LRRC7: variants seen among roughly 807,000 people sequenced by gnomAD.
LRRC7 encodes leucine rich repeat containing 7, also known as leucine-rich repeat-containing protein 7.
LRRC7 carries 23 observed loss-of-function variants against 175.7 expected under a neutral mutation model. That is an observed-to-expected ratio of 0.13 (90% CI 0.09 to 0.19). LRRC7 has a LOEUF of 0.19. Among genes scored for constraint, LRRC7 ranks in the 10% least tolerant of loss-of-function variants. The pLI, the probability that LRRC7 is intolerant of heterozygous loss-of-function variation, is 1.00. For missense variants in LRRC7, 1,354 were observed against 1,904.7 expected (o/e 0.71, Z 5.38); for synonymous variants, 685 against 680.9 (o/e 1.01, Z -0.09).
chr1:69,675,305 C>T (rs1659615448), intron 1 of LRRC7, among the ~76,000 whole-genome samples: 1 of 152,058 alleles, frequency 6.6e-6, no homozygotes, highest in Admixed American at 6.6e-5. Context: ...AAAGTACTTT[C>T]TAATCTGTTT....
chr1:69,919,730 G>A lies in LRRC7; in HGVS notation c.648-11777G>A, dbSNP rs761106082. On this transcript the variant is annotated intron_variant, in intron 7 of 26. Coordinates refer to ENST00000651989, the MANE Select transcript of LRRC7 (RefSeq NM_001370785.2). Reference sequence around the variant, plus strand: ...GGGAGACCTGGGTGCCTTCAGCAAAGGTCAGATGCAGAAGCCATTTGAAGA... The same window carrying A: ...GGGAGACCTGGGTGCCTTCAGCAAAAGTCAGATGCAGAAGCCATTTGAAGA... 1.2e-5 allele frequency: 12 copies of A among 1,021,160 alleles called. No individual in the cohort carries two copies. The African/African-American group carries it at 1.7e-4, about 15-fold the overall frequency. The allele number at this position is 1,021,160 out of a possible 1,614,324, so 63.3% of individuals were successfully genotyped here.
intron 1 of LRRC7, among the ~76,000 whole-genome samples, chr1:69,594,243 G>A (rs924344272): frequency 1.3e-5 from 2 of 152,036 alleles, no homozygotes; most frequent in East Asian, 1.9e-4. Context: ...TGTGTACGCC[G>A]CTCTTTATCC....
intron 2 of LRRC7, among the ~76,000 whole-genome samples, chr1:69,733,568 G>A (rs1463184251): frequency 2.0e-5 from 3 of 151,830 alleles, no homozygotes; most frequent in East Asian, 3.9e-4. Flanking sequence ...TTTTAGTTCT[G>A]AAGAATGCTA....
chr1:69,805,430 A>G (rs183073340), intron 4 of LRRC7, among the ~76,000 whole-genome samples: 3 of 151,970 alleles, frequency 2.0e-5, no homozygotes, highest in Admixed American at 6.6e-5. Flanking sequence ...AGAAAATGGT[A>G]CCATGCAATT....
intron 18 of LRRC7, among the ~76,000 whole-genome samples, chr1:70,029,623 C>T (rs534995741): frequency 6.6e-6 from 1 of 152,208 alleles, no homozygotes; most frequent in Non-Finnish European, 1.5e-5. Context: ...TCTCAAAGAT[C>T]TCGCTGCAAT....
chr1:69,948,131 G>A (rs955474593), intron 8 of LRRC7, among the ~76,000 whole-genome samples: 1 of 152,070 alleles, frequency 6.6e-6, no homozygotes, highest in Non-Finnish European at 1.5e-5. Flanking sequence ...TCAGAACAGT[G>A]CACAATTTAA....
chr1:69,625,508 A>G (rs990483649), intron 1 of LRRC7, among the ~76,000 whole-genome samples: 15 of 139,470 alleles, frequency 1.1e-4, no homozygotes, highest in African/African-American at 4.0e-4. Flanking sequence ...CCACCTTCCT[A>G]TATTTTTAGA....
At chr1:69,668,863 T>C (rs558415529) in intron 1 of LRRC7, among the ~76,000 whole-genome samples, 89 of 152,336 alleles carry the variant, frequency 5.8e-4, no homozygotes, top group African/African-American at 1.9e-3. Context: ...TGGTATCTCA[T>C]TGGAGTTTTG....
chr1:69,889,832 A>C (rs536574762), intron 7 of LRRC7, among the ~76,000 whole-genome samples: 1 of 148,418 alleles, frequency 6.7e-6, no homozygotes, highest in East Asian at 2.0e-4. Flanking sequence ...ATAGAGAAGA[A>C]GAAGGAGAGG....
intron 2 of LRRC7, among the ~76,000 whole-genome samples, chr1:69,692,844 A>G (rs945763925): frequency 6.6e-6 from 1 of 152,156 alleles, no homozygotes; most frequent in African/African-American, 2.4e-5. Flanking sequence ...TTCAGAAAAA[A>G]AAATAGTATT....
At chr1:70,008,480 T>C (rs1178588601) in intron 11 of LRRC7, among the ~76,000 whole-genome samples, 1 of 152,200 alleles carries the variant, frequency 6.6e-6, no homozygotes, top group Non-Finnish European at 1.5e-5. Flanking sequence ...TGCTTGAATG[T>C]TTTAAATTGT....
At chr1:70,026,451 CA>C (rs552955607) in intron 17 of LRRC7, among the ~76,000 whole-genome samples, 8 of 152,012 alleles carry the variant, frequency 5.3e-5, no homozygotes, top group Non-Finnish European at 1.0e-4. Flanking sequence ...TTTCTAATAC[CA>C]ACTTAAACAA....
At chr1:70,010,185 A>C (rs1382295044) in intron 11 of LRRC7, among the ~76,000 whole-genome samples, 1 of 152,208 alleles carries the variant, frequency 6.6e-6, no homozygotes, top group Non-Finnish European at 1.5e-5. Context: ...ATCCATTCTG[A>C]CTTCAACCCA....
chr1:70,081,891 G>A (rs1043625252), intron 24 of LRRC7, among the ~76,000 whole-genome samples: 13 of 152,104 alleles, frequency 8.5e-5, no homozygotes, highest in African/African-American at 3.1e-4. Flanking sequence ...GCCTGAAAGA[G>A]AACTTCTAAG....
intron 1 of LRRC7, among the ~76,000 whole-genome samples, chr1:69,602,640 T>G (rs1402334486): frequency 6.6e-6 from 1 of 152,164 alleles, no homozygotes; most frequent in Non-Finnish European, 1.5e-5. Flanking sequence ...CTTTCATAAT[T>G]CTGGTGACCA....
chr1:69,666,184 A>G (rs1370533849), intron 1 of LRRC7, among the ~76,000 whole-genome samples: 1 of 152,128 alleles, frequency 6.6e-6, no homozygotes, highest in African/African-American at 2.4e-5. Flanking sequence ...CCACTTGTTC[A>G]TGATAACTGA....
intron 7 of LRRC7, among the ~76,000 whole-genome samples, chr1:69,869,183 A>G (rs373619534): frequency 2.3e-4 from 35 of 152,208 alleles, no homozygotes; most frequent in African/African-American, 7.7e-4. Flanking sequence ...AGATAAATCA[A>G]TAGGTTATTG....
chr1:69,888,956 A>G (rs1232362208), intron 7 of LRRC7, among the ~76,000 whole-genome samples: 1 of 152,246 alleles, frequency 6.6e-6, no homozygotes, highest in Non-Finnish European at 1.5e-5. Flanking sequence ...CACCACCACA[A>G]TAAAGCAAAT....
chr1:69,897,873 T>C (rs1454343618), intron 7 of LRRC7, among the ~76,000 whole-genome samples: 2 of 152,218 alleles, frequency 1.3e-5, no homozygotes, highest in African/African-American at 4.8e-5. Flanking sequence ...GGGAAACTTC[T>C]GGCAAATGGG....
Sources: gnomAD v4.1 joint callset for allele counts (sites outside exome capture counted in the v4.1 genomes callset) on GRCh38, gnomAD v4.1.1 for gene constraint, MANE v1.5 for transcripts, NCBI Gene and HGNC (gene_info 2026-07-23, HGNC 2026-07-21) for gene names.